The following PTPRT variants were observed in gnomAD, a reference collection of about 807,000 sequenced individuals.
PTPRT encodes the protein protein tyrosine phosphatase receptor type T, also known as receptor-type tyrosine-protein phosphatase T.
Under a neutral mutation model 176.8 loss-of-function variants are expected in PTPRT, and 56 were observed. The observed-to-expected ratio is 0.32, with a 90% CI of 0.26 to 0.40. PTPRT has a LOEUF of 0.40. Among genes scored for constraint, PTPRT ranks in the 10% least tolerant of loss-of-function variants. PTPRT has a pLI of 1.00. For missense variants in PTPRT, 1,540 were observed against 1,908.2 expected, an observed-to-expected ratio of 0.81 and a Z score of 3.60; for synonymous variants, 783 against 739.0, an observed-to-expected ratio of 1.06 and a Z score of -0.96.
rs532148494 is a variant in PTPRT, at chr20:42,733,105, C to T, written c.859+23357G>A. Among the ~76,000 whole-genome samples the T allele has an allele frequency of 3.9e-5, 6 of 152,248 alleles. No homozygotes were observed. In the East Asian group the frequency reaches 7.7e-4, roughly 20 times the overall value. The stretch of plus-strand genomic sequence containing the variant: ...ACTTCCACCCTCACTTACTTCAATA[C>T]GCTGGCACATGCTTGCTTTCAAGCA... On this transcript the variant is annotated intron_variant, in intron 6 of 30. Coordinates refer to ENST00000373187, the MANE Select transcript of PTPRT (RefSeq NM_007050.6).
chr20:42,605,007 C>T (rs1353008905), intron 7 of PTPRT, among the ~76,000 whole-genome samples: 2 of 152,106 alleles, frequency 1.3e-5, no homozygotes, highest in Non-Finnish European at 2.9e-5. Flanking sequence ...TGTGAGACTC[C>T]AAGGTCAAAG....
At chr20:43,013,457 A>G (rs1985227125) in intron 1 of PTPRT, among the ~76,000 whole-genome samples, 1 of 152,200 alleles carries the variant, frequency 6.6e-6, no homozygotes, top group African/African-American at 2.4e-5. Context: ...ACAGAAAACA[A>G]TGAACAAGCC....
intron 7 of PTPRT, among the ~76,000 whole-genome samples, chr20:42,563,875 G>T (rs1386768803): frequency 1.3e-5 from 2 of 152,194 alleles, no homozygotes; most frequent in Admixed American, 1.3e-4. Context: ...ACACAAGAAA[G>T]ATTTCTTTTT....
At chr20:42,146,887 CT>C (rs1007623575) in intron 17 of PTPRT, among the ~76,000 whole-genome samples, 3 of 152,142 alleles carry the variant, frequency 2.0e-5, no homozygotes, top group Admixed American at 2.0e-4. Flanking sequence ...ATTTATAAGA[CT>C]TTTCGCATGC....
chr20:42,844,589 G>T (rs1285023609), intron 2 of PTPRT, among the ~76,000 whole-genome samples: 1 of 152,064 alleles, frequency 6.6e-6, no homozygotes, highest in Non-Finnish European at 1.5e-5. Flanking sequence ...CCCTGGCTGG[G>T]GCTCTCAGAG....
At position 42,716,630 on chromosome 20, in the gene PTPRT, C is replaced by T. The variant is rs553371116; in HGVS notation, c.860-38471G>A. On this transcript the variant is annotated intron_variant, in intron 6 of 30. Coordinates refer to ENST00000373187, the MANE Select transcript of PTPRT (RefSeq NM_007050.6). ...TTTTTCTTGTAAATTTGTTTGAGTTCGTTGTAGATTCTGGATATTAGCCCT... is the reference window on the plus strand; with the variant it reads ...TTTTTCTTGTAAATTTGTTTGAGTTTGTTGTAGATTCTGGATATTAGCCCT... 1.4e-3 allele frequency among the ~76,000 whole-genome samples: 217 copies of T among 152,040 alleles called. 2 individuals carry two copies. Among genetic ancestry groups the T allele is most frequent in the African/African-American group, 5.0e-3 (207 of 41,440 alleles).
chr20:42,579,060 C>T (rs1451693204), intron 7 of PTPRT, among the ~76,000 whole-genome samples: 3 of 103,880 alleles, frequency 2.9e-5, no homozygotes, highest in African/African-American at 3.8e-5. Context: ...CCTCCCCCCT[C>T]CCCCCACCCC....
chr20:43,173,194 A>G (rs2015046263), intron 1 of PTPRT, among the ~76,000 whole-genome samples: 1 of 152,168 alleles, frequency 6.6e-6, no homozygotes, highest in Non-Finnish European at 1.5e-5. Context: ...ATCTGATTCC[A>G]TAAGGAAGGA....
intron 2 of PTPRT, among the ~76,000 whole-genome samples, chr20:42,817,856 G>C (rs2145642950): frequency 6.6e-6 from 1 of 152,264 alleles, no homozygotes; most frequent in South Asian, 2.1e-4. Flanking sequence ...GAGGCTCAAG[G>C]ACAGAATTCG....
At chr20:42,968,878 C>T (rs1982457148) in intron 1 of PTPRT, 1 of 152,280 alleles carries the variant, frequency 6.6e-6, no homozygotes, top group African/African-American at 2.4e-5. Context: ...TGGGACCCTC[C>T]TGCGTCTCTG....
At chr20:43,024,515 G>C (rs909216417) in intron 1 of PTPRT, among the ~76,000 whole-genome samples, 4 of 151,628 alleles carry the variant, frequency 2.6e-5, no homozygotes, top group African/African-American at 9.7e-5. Context: ...GCTTGAACCT[G>C]GGAGGTGGAG....
At chr20:42,597,377 A>G (rs1252205428) in intron 7 of PTPRT, among the ~76,000 whole-genome samples, 2 of 152,152 alleles carry the variant, frequency 1.3e-5, no homozygotes, top group African/African-American at 4.8e-5. Context: ...TGCCTTTGCC[A>G]TATTCTATGG....
At chr20:42,771,619 T>C in intron 4 of PTPRT, 69 bp from the exon 5 acceptor site, 1 of 1,322,252 alleles carries the variant, frequency 7.6e-7, no homozygotes, top group Admixed American at 1.7e-5. Flanking sequence ...TATTGGTGGA[T>C]GGCAGCTCAG....
intron 3 of PTPRT, among the ~76,000 whole-genome samples, chr20:42,780,804 G>T (rs1433185187): frequency 1.3e-5 from 2 of 152,146 alleles, no homozygotes; most frequent in African/African-American, 4.8e-5. Context: ...AAAAATAAGT[G>T]GCAATCTACC....
intron 14 of PTPRT, among the ~76,000 whole-genome samples, chr20:42,243,607 G>A (rs889236372): frequency 7.2e-5 from 11 of 152,134 alleles, no homozygotes; most frequent in African/African-American, 1.4e-4. Flanking sequence ...AGAAAATAGC[G>A]AAATTGGGAA....
At chr20:42,620,735 T>C (rs1483610556) in intron 7 of PTPRT, among the ~76,000 whole-genome samples, 2 of 152,178 alleles carry the variant, frequency 1.3e-5, no homozygotes, top group African/African-American at 4.8e-5. Context: ...TTCTTTGACT[T>C]CGAAAGGGAA....
chr20:42,388,097 C>T (rs903599177), intron 9 of PTPRT, among the ~76,000 whole-genome samples: 3 of 152,120 alleles, frequency 2.0e-5, no homozygotes, highest in African/African-American at 7.2e-5. Flanking sequence ...CCCAGGGATG[C>T]TAACATTCTT....
At chr20:42,844,759 C>T (rs2078339377) in intron 2 of PTPRT, among the ~76,000 whole-genome samples, 1 of 152,180 alleles carries the variant, frequency 6.6e-6, no homozygotes, top group Non-Finnish European at 1.5e-5. Context: ...TCACACTGCT[C>T]TGGCGTTTGT....
chr20:42,839,245 A>G (rs1479356922), intron 2 of PTPRT, among the ~76,000 whole-genome samples: 1 of 150,942 alleles, frequency 6.6e-6, no homozygotes, highest in Non-Finnish European at 1.5e-5. Flanking sequence ...CTTTAGTCTC[A>G]GAGCAAAAAG....
Sources: gnomAD v4.1 joint callset for allele counts (sites outside exome capture counted in the v4.1 genomes callset) on GRCh38, gnomAD v4.1.1 for gene constraint, MANE v1.5 for transcripts, NCBI Gene and HGNC (gene_info 2026-07-23, HGNC 2026-07-21) for gene names.